EXOC6B: variants seen among roughly 807,000 people sequenced by gnomAD.
EXOC6B encodes the protein exocyst complex component 6B.
A neutral mutation model predicts 113.5 loss-of-function variants in EXOC6B; 54 were observed. That is an observed-to-expected ratio of 0.48 (90% CI 0.38 to 0.60). The LOEUF (loss-of-function observed/expected upper bound fraction) is 0.60. Ranked by LOEUF, EXOC6B falls within the 20% of genes least tolerant of loss-of-function variation. The pLI, the probability that EXOC6B is intolerant of heterozygous loss-of-function variation, is 0.00. For synonymous variants in EXOC6B, 357 were observed against 339.0 expected, an observed-to-expected ratio of 1.05 and a Z score of -0.58; for missense variants, 797 against 977.5, an observed-to-expected ratio of 0.82 and a Z score of 2.46.
intron 1 of EXOC6B, among the ~76,000 whole-genome samples, chr2:72,783,318 CTTTTTTTTTTTTTT>C (rs70963146): frequency 1.7e-5 from 1 of 60,412 alleles, no homozygotes; most frequent in Non-Finnish European, 2.8e-5. Flanking sequence ...TTTTTCTTTT[CTTTTTTTTTTTTTT>C]TTTTTTTTTT....
intron 18 of EXOC6B, among the ~76,000 whole-genome samples, chr2:72,406,723 T>C (rs895114237): frequency 2.0e-5 from 3 of 152,166 alleles, no homozygotes; most frequent in African/African-American, 7.2e-5. Context: ...GGGAAATTTA[T>C]AACACTAAAT....
intron 20 of EXOC6B, among the ~76,000 whole-genome samples, chr2:72,305,103 A>G (rs1430926575): frequency 6.6e-6 from 1 of 152,142 alleles, no homozygotes; most frequent in Non-Finnish European, 1.5e-5. Context: ...CTTTCCATGG[A>G]TTAACTTATT....
intron 20 of EXOC6B, among the ~76,000 whole-genome samples, chr2:72,309,736 C>A (rs1424952838): frequency 3.9e-5 from 6 of 152,074 alleles, no homozygotes; most frequent in Non-Finnish European, 1.5e-5. Context: ...GTTGTACAAC[C>A]ACCATTACCC....
At chr2:72,757,434 G>C (rs1682489303) in intron 1 of EXOC6B, among the ~76,000 whole-genome samples, 1 of 152,188 alleles carries the variant, frequency 6.6e-6, no homozygotes, top group African/African-American at 2.4e-5. Context: ...CTGGCCTACA[G>C]TATTTCAGAT....
intron 8 of EXOC6B, among the ~76,000 whole-genome samples, chr2:72,558,994 C>G (rs1703735174): frequency 6.6e-6 from 1 of 151,986 alleles, no homozygotes; most frequent in Non-Finnish European, 1.5e-5. Flanking sequence ...AGTGTACTAC[C>G]AAAATGGAGA....
intron 20 of EXOC6B, among the ~76,000 whole-genome samples, chr2:72,265,272 CTTTAAG>C (rs1465429486): frequency 1.6e-5 from 2 of 126,036 alleles, no homozygotes; most frequent in Non-Finnish European, 1.7e-5. Flanking sequence ...TATTATTATA[CTTTAAG>C]TTTGAGGGTA....
intron 6 of EXOC6B, among the ~76,000 whole-genome samples, chr2:72,600,953 T>TA (rs948010696): frequency 1.1e-4 from 16 of 150,010 alleles, no homozygotes; most frequent in South Asian, 4.2e-4. Context: ...CAACCCTATT[T>TA]AAAAAAAAAG....
chr2:72,501,937 AT>A (rs1385753935), intron 11 of EXOC6B, among the ~76,000 whole-genome samples: 1 of 151,256 alleles, frequency 6.6e-6, no homozygotes, highest in African/African-American at 2.4e-5. Flanking sequence ...ATGTTTTTTT[AT>A]TTTTTGTAGA....
intron 6 of EXOC6B, among the ~76,000 whole-genome samples, chr2:72,585,966 T>C (rs1651819696): frequency 6.6e-6 from 1 of 152,118 alleles, no homozygotes; most frequent in African/African-American, 2.4e-5. Context: ...AACCATCTGA[T>C]CTTCAACAGT....
At chr2:72,251,110 T>C (rs780298494) in intron 20 of EXOC6B, among the ~76,000 whole-genome samples, 2 of 152,166 alleles carry the variant, frequency 1.3e-5, no homozygotes, top group Non-Finnish European at 2.9e-5. Context: ...GTATTTAATA[T>C]TGGCAATGTC....
intron 1 of EXOC6B, chr2:72,760,413 T>C (rs1682672864): frequency 6.6e-6 from 1 of 152,334 alleles, no homozygotes; most frequent in African/African-American, 2.4e-5. Context: ...TTAGTGTCCA[T>C]TCTATTCAAT....
At chr2:72,592,776 C>A (rs1271801202) in intron 6 of EXOC6B, among the ~76,000 whole-genome samples, 2 of 152,024 alleles carry the variant, frequency 1.3e-5, no homozygotes, top group African/African-American at 4.8e-5. Context: ...TGGTTTTGTC[C>A]CTGGTTTCTG....
intron 20 of EXOC6B, among the ~76,000 whole-genome samples, chr2:72,305,322 G>A (rs925529041): frequency 6.9e-6 from 1 of 144,538 alleles, no homozygotes; most frequent in Non-Finnish European, 1.5e-5. Flanking sequence ...ATATGGGTGT[G>A]TGTATATGTA....
At chr2:72,749,957 G>A (rs1469023449) in intron 1 of EXOC6B, among the ~76,000 whole-genome samples, 1 of 151,478 alleles carries the variant, frequency 6.6e-6, no homozygotes, top group Admixed American at 6.6e-5. Context: ...AGATGTATAT[G>A]TTATGTATAC....
chr2:72,704,255 A>G (rs963145174), intron 6 of EXOC6B, among the ~76,000 whole-genome samples: 29 of 151,304 alleles, frequency 1.9e-4, no homozygotes, highest in African/African-American at 6.8e-4. Flanking sequence ...TGAAGGCACA[A>G]ATAAAGATGT....
chr2:72,476,817 C>T (rs1221293138), intron 17 of EXOC6B, among the ~76,000 whole-genome samples: 1 of 152,184 alleles, frequency 6.6e-6, no homozygotes, highest in African/African-American at 2.4e-5. Flanking sequence ...ACTTCGGTAT[C>T]TCACTGCCAT....
At chr2:72,413,264 A>C (rs1694302507) in intron 18 of EXOC6B, among the ~76,000 whole-genome samples, 1 of 151,572 alleles carries the variant, frequency 6.6e-6, no homozygotes, top group Non-Finnish European at 1.5e-5. Flanking sequence ...CCCAGCCCAG[A>C]AGTCCTTAAA....
chr2:72,741,704 A>G (rs1253621528), intron 1 of EXOC6B, among the ~76,000 whole-genome samples: 8 of 152,336 alleles, frequency 5.3e-5, no homozygotes, highest in Non-Finnish European at 8.8e-5. Context: ...TCATCATAAA[A>G]TTAAAAGACT....
At chr2:72,393,343 C>T (rs965714335) in intron 18 of EXOC6B, among the ~76,000 whole-genome samples, 2 of 152,028 alleles carry the variant, frequency 1.3e-5, no homozygotes, top group Non-Finnish European at 2.9e-5. Context: ...ATCCACCCAC[C>T]TTGGCCTCTC....
Sources: gnomAD v4.1 joint callset for allele counts (sites outside exome capture counted in the v4.1 genomes callset) on GRCh38, gnomAD v4.1.1 for gene constraint, MANE v1.5 for transcripts, NCBI Gene and HGNC (gene_info 2026-07-23, HGNC 2026-07-21) for gene names.